ULK2: variants seen among roughly 807,000 people sequenced by gnomAD.
ULK2 encodes unc-51 like autophagy activating kinase 2.
ULK2 carries 76 observed loss-of-function variants against 127.5 expected under a neutral mutation model. That is an observed-to-expected ratio of 0.60 (90% CI 0.50 to 0.72). The LOEUF (loss-of-function observed/expected upper bound fraction) is 0.72, where lower values mean the gene tolerates loss of function less well. ULK2 is among the 30% of genes least tolerant of loss of function. The pLI is 0.00. For synonymous variants in ULK2, 452 were observed against 461.9 expected, an observed-to-expected ratio of 0.98 and a Z score of 0.28; for missense variants, 1,144 against 1,295.9, an observed-to-expected ratio of 0.88 and a Z score of 1.80.
intron 3 of ULK2, among the ~76,000 whole-genome samples, chr17:19,850,684 G>A (rs1339003435): frequency 6.6e-6 from 1 of 151,966 alleles, no homozygotes. Flanking sequence ...AATTAGCCGG[G>A]CGTGGTGGCG....
chr17:19,793,483 C>A (rs144037861), intron 20 of ULK2, among the ~76,000 whole-genome samples: 1 of 152,300 alleles, frequency 6.6e-6, no homozygotes, highest in African/African-American at 2.4e-5. Flanking sequence ...TTCACCACAT[C>A]ATCCATATGA....
intron 20 of ULK2, among the ~76,000 whole-genome samples, 172 bp downstream of exon 20, chr17:19,795,450 T>C (rs1262445953): frequency 2.0e-5 from 3 of 150,206 alleles, no homozygotes; most frequent in East Asian, 2.0e-4. Context: ...CTATTCTGAA[T>C]GGGCTACTGA....
intron 9 of ULK2, 83 bp downstream of exon 9, chr17:19,841,406 T>C (rs2041752104): frequency 1.5e-6 from 2 of 1,337,530 alleles, no homozygotes; most frequent in Non-Finnish European, 1.0e-6. Flanking sequence ...AATTAAAAAA[T>C]GAGAATACAC....
chr17:19,800,854 A>C (rs1048835285), intron 16 of ULK2, among the ~76,000 whole-genome samples: 1 of 152,140 alleles, frequency 6.6e-6, no homozygotes, highest in African/African-American at 2.4e-5. Context: ...TGTAGTCTCA[A>C]TGGCTTTGGC....
At chr17:19,781,829 T>C in intron 23 of ULK2, 60 bp downstream of exon 23, 1 of 1,558,092 alleles carries the variant, frequency 6.4e-7, no homozygotes, top group South Asian at 1.2e-5. Context: ...ACCTACAACT[T>C]AGACACAAGT....
At chr17:19,823,524 T>C (rs2041211665) in intron 12 of ULK2, among the ~76,000 whole-genome samples, 1 of 152,212 alleles carries the variant, frequency 6.6e-6, no homozygotes, top group Admixed American at 6.5e-5. Context: ...TTCTTTCCTC[T>C]AGCACAAGCT....
chr17:19,796,803 T>C (rs1213386744), intron 18 of ULK2, among the ~76,000 whole-genome samples: 17 of 152,320 alleles, frequency 1.1e-4, no homozygotes, highest in Admixed American at 1.1e-3. Context: ...GGGTGAGACC[T>C]GGCAGGAGTA....
intron 7 of ULK2, among the ~76,000 whole-genome samples, chr17:19,844,539 G>T (rs1213830736): frequency 2.0e-5 from 3 of 151,658 alleles, no homozygotes; most frequent in Non-Finnish European, 4.4e-5. Context: ...TACTCAAGAA[G>T]TACAAAGTAA....
chr17:19,780,999 T>C lies in ULK2; in HGVS notation c.2745A>G (p.Thr915=). ...QIKSGKLSPS[T]AVKQVVKNLN... is the part of the protein sequence containing the mutation. ...CTTCTCCCATACCTTGTTTCACAGC[T>C]GTGGATGGGCTCAGTTTCCCGGACT... is the stretch of plus-strand genomic sequence containing the variant. Residue 915 remains threonine, a synonymous_variant, in exon 24 of 27, where the codon ACA becomes ACG. Coordinates refer to ENST00000395544, the MANE Select transcript of ULK2 (RefSeq NM_014683.4). The C allele has an allele frequency of 6.2e-7, 1 of 1,614,030 alleles. No individual in the cohort carries two copies. Among genetic ancestry groups the C allele is most frequent in the East Asian group, 2.2e-5 (1 of 44,872 alleles).
At chr17:19,832,361 G>A (rs931719561) in intron 10 of ULK2, among the ~76,000 whole-genome samples, 1 of 151,570 alleles carries the variant, frequency 6.6e-6, no homozygotes. Flanking sequence ...TTGACCTCCA[G>A]GGCTCAAGCA....
intron 12 of ULK2, among the ~76,000 whole-genome samples, chr17:19,820,785 CCT>C (rs2041122297): frequency 2.0e-5 from 3 of 152,116 alleles, no homozygotes; most frequent in Admixed American, 1.3e-4. Context: ...CAAACAATCC[CCT>C]CTTTTTAGCA....
chr17:19,829,556 G>GGA (rs768810560), intron 10 of ULK2, among the ~76,000 whole-genome samples: 1 of 131,524 alleles, frequency 7.6e-6, no homozygotes, highest in African/African-American at 2.7e-5. Context: ...AAAGGGGGGG[G>GGA]GCTGGGCACG....
intron 14 of ULK2, among the ~76,000 whole-genome samples, chr17:19,806,889 C>T (rs535160848): frequency 1.3e-5 from 2 of 152,334 alleles, no homozygotes; most frequent in East Asian, 3.9e-4. Flanking sequence ...ATTCTATCTA[C>T]TTGTGCTGAG....
At position 19,841,546 on chromosome 17, in the gene ULK2, G is replaced by A; in HGVS notation, c.647C>T (p.Ala216Val). ...QCLVGKPPFQ[A>V]NSPQDLRMFY... ...CATCCTTAAGTCTTGAGGACTATTG[G>A]CCTATTAAAAAAAAAAAGGTTTAAT... The change falls in exon 9 of 27, where the codon GCC becomes GTC. Residue 216 changes from alanine to valine, a missense_variant and splice_region_variant. Physicochemically the swap from Ala to Val is moderately conservative, Grantham distance 64. This residue lies in a region of ULK2 where 231 missense variants were observed against 325.4 expected (regional missense o/e 0.71). Transcript: ENST00000395544. 2 of 1,572,622 alleles carry A rather than the reference G, an allele frequency of 1.3e-6. No homozygotes were observed. Among genetic ancestry groups the A allele is most frequent in the Admixed American group, 2.1e-5 (1 of 48,168 alleles).
Position 19,826,173 on chromosome 17 carries a change from G to A in ULK2, c.801C>T (p.Ser267=), listed in dbSNP as rs2041291573. 1 of 1,472,772 alleles carries A rather than the reference G, an allele frequency of 6.8e-7. No individual in the cohort carries two copies. The highest frequency in any genetic ancestry group is 2.5e-5 in the East Asian group (1 of 39,572). The allele number at this position is 1,472,772 out of a possible 1,614,324, so 91.2% of individuals were successfully genotyped here. Residue 267 remains serine (S), a synonymous_variant, in exon 11 of 27, where the codon AGC becomes AGT. Coordinates refer to ENST00000395544, the MANE Select transcript of ULK2 (RefSeq NM_014683.4). ...CTGGACCTTGCTCAAGAAAAGGATG[G>A]CTAAAAAATGCTTCTGTAACAAGAA... is the stretch of plus-strand genomic sequence containing the variant. ...KDRMDFEAFF[S]HPFLEQGPVK...
intron 14 of ULK2, among the ~76,000 whole-genome samples, chr17:19,810,038 C>T (rs2087600188): frequency 6.6e-6 from 1 of 151,978 alleles, no homozygotes; most frequent in Non-Finnish European, 1.5e-5. Flanking sequence ...GAGACCATCC[C>T]GGCTAACCCA....
intron 3 of ULK2, among the ~76,000 whole-genome samples, chr17:19,857,912 C>G (rs1185959283): frequency 1.3e-5 from 2 of 152,046 alleles, no homozygotes; most frequent in Non-Finnish European, 2.9e-5. Context: ...GTGGTCTTTA[C>G]AGAAGCCTTC....
At chr17:19,819,136 C>T (rs547422550) in intron 12 of ULK2, among the ~76,000 whole-genome samples, 2 of 152,312 alleles carry the variant, frequency 1.3e-5, no homozygotes, top group East Asian at 3.9e-4. Flanking sequence ...AAATGTGTCA[C>T]ATCCTATATA....
At chr17:19,849,315 T>C in intron 5 of ULK2, 54 bp downstream of exon 5, 1 of 1,518,744 alleles carries the variant, frequency 6.6e-7, no homozygotes, top group Non-Finnish European at 9.0e-7. Context: ...CCTCTTAGGA[T>C]TAAACAGGCT....
Sources: allele counts gnomAD v4.1 joint callset (sites outside exome capture counted in the v4.1 genomes callset), GRCh38; gene constraint gnomAD v4.1.1; regional missense constraint gnomAD v4.1.1; transcripts MANE v1.5; gene names NCBI Gene and HGNC (gene_info 2026-07-23, HGNC 2026-07-21).